Variants in PDE10A observed in about 807,000 individuals in gnomAD.
PDE10A encodes the protein cAMP and cAMP-inhibited cGMP 3',5'-cyclic phosphodiesterase 10A.
Under a neutral mutation model 97.7 loss-of-function variants are expected in PDE10A, and 39 were observed. The observed-to-expected ratio is 0.40, with a 90% CI of 0.31 to 0.52. PDE10A has a LOEUF of 0.52. Among genes scored for constraint, PDE10A ranks in the 20% least tolerant of loss-of-function variants. PDE10A has a pLI of 0.56. For missense variants in PDE10A, 731 were observed against 1,047.8 expected (o/e 0.70, Z 4.17); for synonymous variants, 371 against 376.8 (o/e 0.98, Z 0.18).
intron 1 of PDE10A, among the ~76,000 whole-genome samples, chr6:165,907,937 A>G (rs1782344428): frequency 6.6e-6 from 1 of 152,224 alleles, no homozygotes; most frequent in Non-Finnish European, 1.5e-5. Flanking sequence ...AAAAGAACTA[A>G]CAAAAAACTA....
chr6:165,519,077 C>G (rs924579569), intron 2 of PDE10A, among the ~76,000 whole-genome samples: 10 of 152,116 alleles, frequency 6.6e-5, no homozygotes, highest in Non-Finnish European at 1.0e-4. Flanking sequence ...ATGGAACTAT[C>G]ATTTTAGTTG....
intron 20 of PDE10A, 91 bp downstream of exon 20, chr6:165,339,187 T>A (rs1475628508): frequency 5.0e-6 from 4 of 802,982 alleles, no homozygotes; most frequent in Admixed American, 1.7e-5. Flanking sequence ...TAACATAATA[T>A]ATGATGACAT....
intron 1 of PDE10A, among the ~76,000 whole-genome samples, chr6:165,868,968 A>C (rs1456403397): frequency 6.6e-6 from 1 of 152,018 alleles, no homozygotes; most frequent in Non-Finnish European, 1.5e-5. Flanking sequence ...TAAAGGCCAT[A>C]TATGACAAAG....
chr6:165,422,268 CAT>C (rs1170823186), intron 10 of PDE10A, among the ~76,000 whole-genome samples: 1 of 151,996 alleles, frequency 6.6e-6, no homozygotes, highest in Non-Finnish European at 1.5e-5. Context: ...TATACACACA[CAT>C]ACGCATACAC....
chr6:165,618,227 G>A (rs749908806), intron 1 of PDE10A, among the ~76,000 whole-genome samples: 4 of 152,130 alleles, frequency 2.6e-5, no homozygotes, highest in Non-Finnish European at 5.9e-5. Context: ...CAACATAATT[G>A]TGTAGTAATG....
intron 1 of PDE10A, chr6:165,780,824 T>A (rs1166380245): frequency 2.6e-5 from 4 of 152,340 alleles, no homozygotes; most frequent in African/African-American, 4.8e-5. Flanking sequence ...CTCTTTGGTA[T>A]CTGACTGCTG....
At chr6:165,635,488 GGTGT>G (rs1788831496) in intron 1 of PDE10A, among the ~76,000 whole-genome samples, 1 of 142,780 alleles carries the variant, frequency 7.0e-6, no homozygotes, top group Admixed American at 7.4e-5. Context: ...TGTGTGTGTG[GGTGT>G]GTGTGCATGC....
chr6:165,632,169 C>T (rs1446389962), intron 1 of PDE10A, among the ~76,000 whole-genome samples: 2 of 136,894 alleles, frequency 1.5e-5, no homozygotes, highest in South Asian at 2.4e-4. Flanking sequence ...CACTGCACTC[C>T]AGCCTGAGTG....
chr6:165,588,628 A>C (rs1486662561), intron 1 of PDE10A, among the ~76,000 whole-genome samples: 1 of 152,142 alleles, frequency 6.6e-6, no homozygotes, highest in Admixed American at 6.5e-5. Context: ...CCTACTATCA[A>C]GTCAGTACTT....
At chr6:165,392,828 C>A in intron 15 of PDE10A, 32 bp from the exon 16 acceptor site, 1 of 1,605,378 alleles carries the variant, frequency 6.2e-7, no homozygotes, top group South Asian at 1.1e-5. Context: ...ATGACTGAAA[C>A]CAGTAGAGAA....
At chr6:165,713,996 A>T (rs1562699754) in intron 1 of PDE10A, among the ~76,000 whole-genome samples, 1 of 152,222 alleles carries the variant, frequency 6.6e-6, no homozygotes, top group Non-Finnish European at 1.5e-5. Context: ...TGGTTGATGC[A>T]TACACTGCCC....
intron 1 of PDE10A, among the ~76,000 whole-genome samples, chr6:165,592,088 G>A (rs1786307282): frequency 6.6e-6 from 1 of 152,112 alleles, no homozygotes; most frequent in Non-Finnish European, 1.5e-5. Context: ...AAACAGCATG[G>A]TACTGATACC....
intron 8 of PDE10A, 79 bp downstream of exon 8, chr6:165,431,343 C>T: frequency 1.2e-6 from 1 of 824,424 alleles, no homozygotes; most frequent in Non-Finnish European, 1.9e-6. Flanking sequence ...GACTTAACCT[C>T]TATTCCGGTC....
chr6:165,828,557 T>A (rs1405209106), intron 1 of PDE10A, among the ~76,000 whole-genome samples: 2 of 152,188 alleles, frequency 1.3e-5, no homozygotes, highest in Admixed American at 1.3e-4. Flanking sequence ...GAACAGGAGA[T>A]GTTAGTATTC....
chr6:165,893,373 C>T (rs925779435), intron 1 of PDE10A, among the ~76,000 whole-genome samples: 4 of 152,206 alleles, frequency 2.6e-5, no homozygotes, highest in Non-Finnish European at 5.9e-5. Flanking sequence ...TAAGCACTCT[C>T]CTAAGTTAGG....
chr6:165,823,529 C>A (rs1352042607), intron 1 of PDE10A, among the ~76,000 whole-genome samples: 17 of 35,904 alleles, frequency 4.7e-4, no homozygotes, highest in East Asian at 1.8e-3. Context: ...TATATATGAA[C>A]CTTAATTATA....
intron 1 of PDE10A, among the ~76,000 whole-genome samples, chr6:165,715,828 C>T (rs939628060): frequency 3.3e-5 from 5 of 152,186 alleles, no homozygotes; most frequent in East Asian, 1.9e-4. Context: ...CCTAATTTCC[C>T]GTCTGTGTGT....
chr6:165,801,707 A>T (rs970397786), intron 1 of PDE10A, among the ~76,000 whole-genome samples: 1 of 152,230 alleles, frequency 6.6e-6, no homozygotes, highest in Non-Finnish European at 1.5e-5. Flanking sequence ...TTCTCAGTAT[A>T]TGTTTTTCTG....
intron 1 of PDE10A, among the ~76,000 whole-genome samples, chr6:165,839,095 G>T (rs1265783068): frequency 6.6e-6 from 1 of 152,188 alleles, no homozygotes; most frequent in African/African-American, 2.4e-5. Context: ...TTTCTAAAAA[G>T]TCCAGAAACT....
Sources: allele counts gnomAD v4.1 joint callset (sites outside exome capture counted in the v4.1 genomes callset), GRCh38; gene constraint gnomAD v4.1.1; transcripts MANE v1.5; gene names NCBI Gene and HGNC (gene_info 2026-07-23, HGNC 2026-07-21).